DSTYK: variants seen among roughly 807,000 people sequenced by gnomAD.
The protein encoded by DSTYK is dual serine/threonine and tyrosine protein kinase.
A neutral mutation model predicts 98.7 loss-of-function variants in DSTYK; 34 were observed. The observed-to-expected ratio is 0.34, with a 90% CI of 0.26 to 0.46. The LOEUF (loss-of-function observed/expected upper bound fraction) is 0.46, where lower values mean the gene tolerates loss of function less well. DSTYK is among the 20% of genes least tolerant of loss of function. DSTYK has a pLI of 1.00. For synonymous variants in DSTYK, 462 were observed against 457.3 expected, an observed-to-expected ratio of 1.01 and a Z score of -0.13; for missense variants, 962 against 1,181.7, an observed-to-expected ratio of 0.81 and a Z score of 2.73.
intron 1 of DSTYK, among the ~76,000 whole-genome samples, chr1:205,209,873 C>T (rs1659319003): frequency 6.6e-6 from 1 of 150,586 alleles, no homozygotes; most frequent in African/African-American, 2.5e-5. Flanking sequence ...CATCACCTTC[C>T]CCAGTGTCTT....
At position 205,169,113 on chromosome 1, in the gene DSTYK, G is replaced by A; in HGVS notation, c.1324+50C>T. ...GTTCTTAATTTCCGGCTAGAAAATG[G>A]TTAGAGACTCCTCCCGTGCCAGCAC... On this transcript the variant is annotated intron_variant, in intron 3 of 12. Coordinates refer to ENST00000367162, the MANE Select transcript of DSTYK (RefSeq NM_015375.3). The surrounding 1 kb of genome is among the most constrained non-coding windows in gnomAD (Gnocchi z 4.0). 6.9e-7 allele frequency: 1 copy of A among 1,458,404 alleles called. No homozygotes were observed. Among genetic ancestry groups the A allele is most frequent in the Non-Finnish European group, 9.3e-7 (1 of 1,076,024 alleles). The allele number at this position is 1,458,404 out of a possible 1,614,324, so 90.3% of individuals were successfully genotyped here. A position where few individuals can be genotyped will look rare whatever the true frequency, so the allele number is the denominator to read the frequency against.
chr1:205,183,268 T>C (rs908299544), intron 2 of DSTYK, among the ~76,000 whole-genome samples: 4 of 152,054 alleles, frequency 2.6e-5, no homozygotes, highest in African/African-American at 9.7e-5. Context: ...GTGAATATGG[T>C]GAATGGTGAA....
At chr1:205,182,560 C>T (rs1343622793) in intron 2 of DSTYK, among the ~76,000 whole-genome samples, 2 of 145,442 alleles carry the variant, frequency 1.4e-5, no homozygotes, top group Non-Finnish European at 3.0e-5. Flanking sequence ...AATCCCGGCA[C>T]TTTGGGAGGC....
chr1:205,182,511 AAAAAAAAAAAAAG>A (rs1159331375), intron 2 of DSTYK, among the ~76,000 whole-genome samples: 1 of 147,896 alleles, frequency 6.8e-6, no homozygotes, highest in Admixed American at 6.7e-5. Context: ...AAAAAAAAAA[AAAAAAAAAAAAAG>A]GCCAGGCGCT....
intron 10 of DSTYK, among the ~76,000 whole-genome samples, chr1:205,152,361 T>A (rs1444357657): frequency 3.9e-5 from 6 of 152,134 alleles, no homozygotes. Flanking sequence ...ATTTTTAGTA[T>A]AGACAGGGTT....
chr1:205,200,362 T>C (rs1658993133), intron 1 of DSTYK, among the ~76,000 whole-genome samples: 2 of 151,918 alleles, frequency 1.3e-5, no homozygotes, highest in African/African-American at 4.8e-5. Context: ...TTAATCGAGA[T>C]GGGGTTTCGC....
Position 205,211,480 on chromosome 1 carries a change from C to A in DSTYK, c.56G>T (p.Gly19Val), listed in dbSNP as rs774633972. ...GSEPVSGPGP[G>V]GGGMIRELCR... ...CAGCTCGCGGATCATTCCGCCGCCG[C>A]CGGGGCCGGGACCCGAGACGGGCTC... Residue 19 changes from glycine (G) to valine (V), a missense_variant, in exon 1 of 13, where the codon GGC becomes GTC. Physicochemically the swap from Gly to Val is moderately radical, Grantham distance 109 (BLOSUM62 -3). Transcript: ENST00000367162. 2 of 1,584,930 alleles carry A rather than the reference C, an allele frequency of 1.3e-6. No homozygotes were observed. The highest frequency in any genetic ancestry group is 1.7e-6 in the Non-Finnish European group (2 of 1,169,838).
intron 2 of DSTYK, among the ~76,000 whole-genome samples, chr1:205,184,785 A>T (rs574621017): frequency 1.4e-4 from 21 of 152,246 alleles, no homozygotes; most frequent in African/African-American, 5.1e-4. Context: ...GGATCTCACT[A>T]GGTTGCCCAG....
intron 10 of DSTYK, among the ~76,000 whole-genome samples, chr1:205,152,343 A>C (rs1169613268): frequency 6.6e-6 from 1 of 152,106 alleles, no homozygotes; most frequent in East Asian, 1.9e-4. Context: ...ACACCCAGCT[A>C]ATTTTGTATT....
rs192303713 is a variant in DSTYK, at chr1:205,185,669, T to C, written c.654+1749A>G. Among the ~76,000 whole-genome samples the C allele has an allele frequency of 1.2e-4, 18 of 152,354 alleles. No individual in the cohort carries two copies. In the East Asian group the frequency reaches 2.1e-3, roughly 18 times the overall value. ...TATTTCATGAAACTTATATTTCAAATGTATATGTGTATATATGTACTGGGT... is the reference window on the plus strand; with the variant it reads ...TATTTCATGAAACTTATATTTCAAACGTATATGTGTATATATGTACTGGGT... On this transcript the variant is annotated intron_variant, in intron 2 of 12. Transcript: ENST00000367162.
chr1:205,143,349 T>A lies in DSTYK; in HGVS notation c.*4209A>T, dbSNP rs1162032309. ...TTTTAATAGAGACGGGGTTTCACCATGTTACCAGGCTGGTCTCGAACTCCT... is the reference window on the plus strand; with the variant it reads ...TTTTAATAGAGACGGGGTTTCACCAAGTTACCAGGCTGGTCTCGAACTCCT... On this transcript the variant is annotated 3_prime_UTR_variant, in exon 13 of 13. Coordinates refer to ENST00000367162, the MANE Select transcript of DSTYK (RefSeq NM_015375.3). 2 of 152,102 alleles carry A rather than the reference T, an allele frequency of 1.3e-5. No individual in the cohort carries two copies. Among genetic ancestry groups the A allele is most frequent in the Non-Finnish European group, 2.9e-5 (2 of 68,032 alleles). The allele number at this position is 152,102 out of a possible 1,614,324, so 9.4% of individuals were successfully genotyped here.
At position 205,162,203 on chromosome 1, in the gene DSTYK, G is replaced by A. The variant is rs562238251; in HGVS notation, c.1651C>T (p.Arg551Cys). ...LWEQIKQIIQ[R>C]ITWVSPPAIT... is the part of the protein sequence containing the mutation. Reference sequence around the variant, plus strand: ...GCAGGTGGGCTCACCCATGTGATGCGCTGGATGATCTACCAGGATGAAGAC... The same window carrying A: ...GCAGGTGGGCTCACCCATGTGATGCACTGGATGATCTACCAGGATGAAGAC... Residue 551 changes from arginine (R) to cysteine (C), a missense_variant, in exon 6 of 13, where the codon CGC becomes TGC. Around this residue, in one of 4 missense-constraint regions of DSTYK, gnomAD observed 660 missense variants for 855.0 expected, o/e 0.77. Transcript: ENST00000367162. The A allele has an allele frequency of 2.7e-5, 44 of 1,613,892 alleles. No homozygotes were observed. Among genetic ancestry groups the A allele is most frequent in the South Asian group, 7.7e-5 (7 of 91,062 alleles).
chr1:205,181,689 TG>T (rs1658409132), intron 2 of DSTYK, among the ~76,000 whole-genome samples: 4 of 150,926 alleles, frequency 2.7e-5, no homozygotes, highest in African/African-American at 9.8e-5. Flanking sequence ...TGTGTGTGTG[TG>T]TGTGTGTGGC....
chr1:205,153,766 C>T (rs1657470429), intron 10 of DSTYK, among the ~76,000 whole-genome samples: 2 of 150,820 alleles, frequency 1.3e-5, no homozygotes, highest in African/African-American at 4.9e-5. Context: ...TGCAGTGGTG[C>T]GATCTTGGCT....
chr1:205,153,745 C>A (rs944453910), intron 10 of DSTYK, among the ~76,000 whole-genome samples: 1 of 150,654 alleles, frequency 6.6e-6, no homozygotes, highest in African/African-American at 2.4e-5. Context: ...TGTCACCAGG[C>A]TCCAGCCTGG....
chr1:205,166,021 CA>C (rs11458364), intron 3 of DSTYK, among the ~76,000 whole-genome samples: 1 of 148,556 alleles, frequency 6.7e-6, no homozygotes, highest in Non-Finnish European at 1.5e-5. Context: ...GATCCTGTCT[CA>C]AAAAAAAATA....
chr1:205,165,171 G>A (rs1657851538), intron 3 of DSTYK, among the ~76,000 whole-genome samples: 2 of 152,088 alleles, frequency 1.3e-5, no homozygotes. Context: ...TCGGCTCACT[G>A]CAACCTCCGC....
rs1329068060 is a variant in DSTYK, at chr1:205,149,249, T to A, written c.2468-910A>T. On this transcript the variant is annotated intron_variant, in intron 11 of 12. Coordinates refer to ENST00000367162, the MANE Select transcript of DSTYK (RefSeq NM_015375.3). ...AATCAAGAGAAAGAAAAATGATGAC[T>A]ATCTACTTGGTTCAGATGTTGAGTA... Among the ~76,000 whole-genome samples, 3 of 152,010 alleles carry A rather than the reference T, an allele frequency of 2.0e-5. 1 individual carries two copies. The South Asian group carries it at 6.2e-4, about 32-fold the overall frequency.
At chr1:205,176,349 G>A (rs1332563007) in intron 2 of DSTYK, among the ~76,000 whole-genome samples, 1 of 151,920 alleles carries the variant, frequency 6.6e-6, no homozygotes, top group Non-Finnish European at 1.5e-5. Flanking sequence ...GGTGGCGTAT[G>A]CCTGTAATTC....
Sources: allele counts gnomAD v4.1 joint callset (sites outside exome capture counted in the v4.1 genomes callset), GRCh38; gene constraint gnomAD v4.1.1; regional missense constraint gnomAD v4.1.1; non-coding constraint Gnocchi (gnomAD v3.1); transcripts MANE v1.5; gene names NCBI Gene and HGNC (gene_info 2026-07-23, HGNC 2026-07-21).